The following BTBD9 variants were observed in gnomAD, a reference collection of about 807,000 sequenced individuals.
The protein encoded by BTBD9 is BTB domain containing 9.
In BTBD9, 49 loss-of-function variants were observed where a neutral mutation model predicts 64.3. The observed-to-expected ratio is 0.76, with a 90% CI of 0.61 to 0.97. BTBD9 has a LOEUF of 0.97. BTBD9 is among the 50% of genes least tolerant of loss of function. The pLI is 0.00. For synonymous variants in BTBD9, 260 were observed against 274.7 expected (o/e 0.95, Z 0.53); for missense variants, 598 against 762.1 (o/e 0.78, Z 2.53).
chr6:38,504,883 T>C (rs1328541768), intron 6 of BTBD9, among the ~76,000 whole-genome samples: 2 of 152,210 alleles, frequency 1.3e-5, no homozygotes, highest in African/African-American at 2.4e-5. Context: ...TCCGGTGCAA[T>C]TGCTATGGCT....
At chr6:38,545,652 A>T (rs1001223066) in intron 6 of BTBD9, among the ~76,000 whole-genome samples, 2 of 151,066 alleles carry the variant, frequency 1.3e-5, no homozygotes, top group African/African-American at 4.9e-5. Context: ...GGTGGCGGGC[A>T]CCTGTAGTCC....
At chr6:38,286,468 A>C (rs376492198) in intron 8 of BTBD9, among the ~76,000 whole-genome samples, 169 of 152,324 alleles carry the variant, frequency 1.1e-3, no homozygotes, top group Middle Eastern at 0.01. Context: ...ATGTCTTGCC[A>C]ATACCTTTAC....
intron 10 of BTBD9, chr6:38,179,548 G>C (rs1397571980): frequency 2.2e-6 from 1 of 456,700 alleles, no homozygotes; most frequent in Non-Finnish European, 4.4e-6. Context: ...ATTTCACTGA[G>C]TGCAGACTCC....
chr6:38,481,117 G>C lies in BTBD9; in HGVS notation c.1154+96483C>G, dbSNP rs550642750. Among the ~76,000 whole-genome samples the C allele has an allele frequency of 4.7e-5, 7 of 150,164 alleles. No individual in the cohort carries two copies. The South Asian group carries it at 1.5e-3, about 31-fold the overall frequency. ...GAGTAGGGAGAGGCAAAACAGAAAGGTTTATTCTAACGTGAGAGGAGCCCA... is the reference window on the plus strand; with the variant it reads ...GAGTAGGGAGAGGCAAAACAGAAAGCTTTATTCTAACGTGAGAGGAGCCCA... On this transcript the variant is annotated intron_variant, in intron 6 of 10. Coordinates refer to ENST00000481247, the MANE Select transcript of BTBD9 (RefSeq NM_001099272.2).
intron 6 of BTBD9, among the ~76,000 whole-genome samples, chr6:38,553,804 G>A (rs1162484375): frequency 1.3e-5 from 2 of 151,798 alleles, no homozygotes; most frequent in African/African-American, 4.8e-5. Context: ...AGTGAGCTAT[G>A]ACCATGCCAC....
chr6:38,231,831 T>C (rs1763616980), intron 9 of BTBD9, among the ~76,000 whole-genome samples: 1 of 152,198 alleles, frequency 6.6e-6, no homozygotes, highest in Non-Finnish European at 1.5e-5. Flanking sequence ...TGCCCTTCTC[T>C]CACCCATAAA....
intron 9 of BTBD9, among the ~76,000 whole-genome samples, chr6:38,231,413 A>T (rs1054711924): frequency 2.0e-4 from 30 of 152,256 alleles, no homozygotes; most frequent in African/African-American, 7.2e-4. Flanking sequence ...GACTGTTTTC[A>T]TATGAAAAGT....
chr6:38,325,021 C>T (rs905719615), intron 7 of BTBD9, among the ~76,000 whole-genome samples: 8 of 151,882 alleles, frequency 5.3e-5, no homozygotes, highest in East Asian at 3.9e-4. Flanking sequence ...TGATGACATA[C>T]GGTAAGGACT....
At chr6:38,206,439 C>T (rs1416889982) in intron 9 of BTBD9, among the ~76,000 whole-genome samples, 2 of 151,892 alleles carry the variant, frequency 1.3e-5, no homozygotes, top group Non-Finnish European at 2.9e-5. Context: ...TGGGGTTTCA[C>T]CATCTTGGCC....
chr6:38,247,654 A>C (rs1006922133), intron 9 of BTBD9, among the ~76,000 whole-genome samples: 27 of 152,252 alleles, frequency 1.8e-4, no homozygotes, highest in African/African-American at 6.5e-4. Flanking sequence ...TGTCCCAGGG[A>C]AAGGCAGAAG....
At chr6:38,325,001 C>T (rs1050618955) in intron 7 of BTBD9, among the ~76,000 whole-genome samples, 3 of 152,040 alleles carry the variant, frequency 2.0e-5, no homozygotes, top group African/African-American at 7.3e-5. Context: ...ATGTAAATTG[C>T]TTAGAACAGT....
At chr6:38,461,281 C>T (rs1224083428) in intron 6 of BTBD9, among the ~76,000 whole-genome samples, 1 of 152,162 alleles carries the variant, frequency 6.6e-6, no homozygotes, top group African/African-American at 2.4e-5. Context: ...TCCATCACCC[C>T]AAAAGTTTCC....
At chr6:38,598,374 TCA>T (rs1190829576) in intron 1 of BTBD9, among the ~76,000 whole-genome samples, 2 of 152,132 alleles carry the variant, frequency 1.3e-5, no homozygotes, top group Non-Finnish European at 2.9e-5. Context: ...CTTGGAGCCA[TCA>T]CAGTCTAGAA....
intron 6 of BTBD9, among the ~76,000 whole-genome samples, chr6:38,413,122 T>C (rs192170192): frequency 6.6e-6 from 1 of 152,210 alleles, no homozygotes; most frequent in African/African-American, 2.4e-5. Context: ...CTTCTTTCCT[T>C]CCTTCCTTCT....
chr6:38,191,651 G>A (rs1169853652), intron 10 of BTBD9, among the ~76,000 whole-genome samples: 5 of 152,192 alleles, frequency 3.3e-5, no homozygotes, highest in African/African-American at 1.2e-4. Context: ...CCTGTTGGGA[G>A]TAGAGAGGGC....
chr6:38,288,310 C>A lies in BTBD9; in HGVS notation c.1416G>T (p.Val472=), dbSNP rs761734999. The change falls in exon 8 of 11, where the codon GTG becomes GTT. Residue 472 remains valine, a synonymous_variant. Transcript: ENST00000481247. ...TCATGTACGGTTGTGCCAACTGAAC[C>A]ACAATCGCACCACTTCCTAGCTGGT... ...TCHQLGSGAI[V]VQLAQPYMIG... 3.7e-6 allele frequency: 6 copies of A among 1,613,954 alleles called. No individual in the cohort carries two copies. The highest frequency in any genetic ancestry group is 5.1e-6 in the Non-Finnish European group (6 of 1,179,998).
At chr6:38,469,314 T>C (rs1770529155) in intron 6 of BTBD9, among the ~76,000 whole-genome samples, 1 of 141,778 alleles carries the variant, frequency 7.1e-6, no homozygotes, top group Admixed American at 7.5e-5. Context: ...TCTCTCTTTT[T>C]TTTTTTCCTT....
At chr6:38,509,691 A>C (rs1418858265) in intron 6 of BTBD9, among the ~76,000 whole-genome samples, 3 of 152,354 alleles carry the variant, frequency 2.0e-5, no homozygotes, top group East Asian at 3.9e-4. Flanking sequence ...AAATCTAATA[A>C]AACTGAACTC....
chr6:38,536,425 TCACAAAACTAAA>T (rs1431480612), intron 6 of BTBD9, among the ~76,000 whole-genome samples: 1 of 152,158 alleles, frequency 6.6e-6, no homozygotes, highest in African/African-American at 2.4e-5. Context: ...TGGAGATTCC[TCACAAAACTAAA>T]CACAAAACTA....
Sources: gnomAD v4.1 joint callset for allele counts (sites outside exome capture counted in the v4.1 genomes callset) on GRCh38, gnomAD v4.1.1 for gene constraint, MANE v1.5 for transcripts, NCBI Gene and HGNC (gene_info 2026-07-23, HGNC 2026-07-21) for gene names.